Variants in BTBD17 observed in about 807,000 individuals in gnomAD.
BTBD17 encodes BTB domain containing 17.
Under a neutral mutation model 36.9 loss-of-function variants are expected in BTBD17, and 26 were observed. The ratio of observed to expected loss-of-function variants is 0.70; its 90% CI spans 0.52 to 0.98. The LOEUF (loss-of-function observed/expected upper bound fraction) is 0.98. BTBD17 is among the 50% of genes least tolerant of loss of function. BTBD17 has a pLI of 0.00. For missense variants in BTBD17, 630 were observed against 691.3 expected (o/e 0.91, Z 0.99); for synonymous variants, 341 against 338.0 (o/e 1.01, Z -0.10).
At chr17:74,359,479 C>T (rs2054921970) in intron 2 of BTBD17, among the ~76,000 whole-genome samples, 1 of 152,070 alleles carries the variant, frequency 6.6e-6, no homozygotes, top group South Asian at 2.1e-4. Flanking sequence ...ACTCTGCCTC[C>T]CAGGTTCAAG....
At chr17:74,362,263 G>A (rs1197358837), upstream of BTBD17, among the ~76,000 whole-genome samples, 4 of 152,140 alleles carry the variant, frequency 2.6e-5, no homozygotes, top group Non-Finnish European at 5.9e-5. Context: ...TGGCAGCGTC[G>A]TGCCTGGAGC....
At chr17:74,363,051 C>T (rs370630077), upstream of BTBD17, among the ~76,000 whole-genome samples, 44 of 152,070 alleles carry the variant, frequency 2.9e-4, no homozygotes, top group African/African-American at 9.2e-4. Flanking sequence ...CCCAGTTCTT[C>T]GTGGGAGGGA....
rs1437136663 is a variant in BTBD17, at chr17:74,357,312, G to T, written c.782C>A (p.Pro261Gln). The T allele has an allele frequency of 6.4e-7, 1 of 1,558,466 alleles. No individual in the cohort carries two copies. The highest frequency in any genetic ancestry group is 1.9e-5 in the Admixed American group (1 of 53,150). ...ALRAIRYPMI[P>Q]PAQLFQLQAR... Reference sequence around the variant, plus strand: ...CTGCAGCTGGAACAGCTGTGCCGGTGGGATCATGGGGTAGCGTATGGCGCG... The same window carrying T: ...CTGCAGCTGGAACAGCTGTGCCGGTTGGATCATGGGGTAGCGTATGGCGCG... The change falls in exon 3 of 3, where the codon CCA (proline) becomes CAA (glutamine). Residue 261 changes from proline (P) to glutamine (Q), a missense_variant. Transcript: ENST00000375366. The surrounding 1 kb of genome is among the most constrained non-coding windows in gnomAD (Gnocchi z 8.4).
In BTBD17 at chr17:74,361,720, C is replaced by A; in HGVS notation, c.85+15G>T. The A allele has an allele frequency of 6.2e-7, 1 of 1,609,276 alleles. No homozygotes were observed. The highest frequency in any genetic ancestry group is 8.5e-7 in the Non-Finnish European group (1 of 1,177,050). On this transcript the variant is annotated intron_variant, in intron 1 of 2. Coordinates refer to ENST00000375366, the MANE Select transcript of BTBD17 (RefSeq NM_001080466.2). The stretch of plus-strand genomic sequence containing the variant: ...CGCTCCACCCTGCCCCGCACCTGGC[C>A]CACTGCCCGCTCACCTGCATGGGTG...
chr17:74,357,539 G>T lies in BTBD17; in HGVS notation c.555C>A (p.Arg185=). Residue 185 remains arginine (R), a synonymous_variant, in exon 3 of 3, where the codon CGC becomes CGA. Transcript: ENST00000375366. The surrounding 1 kb of genome is among the most constrained non-coding windows in gnomAD (Gnocchi z 8.4). The part of the protein sequence containing the change: ...YAVGTGDEAL[R]ESCLQFLAWN... ...AGGCCAGGAACTGCAGGCAGCTCTC[G>T]CGCAGGGCCTCGTCCCCGGTGCCCA... 1 of 1,556,938 alleles carries T rather than the reference G, an allele frequency of 6.4e-7. No individual in the cohort carries two copies. The highest frequency in any genetic ancestry group is 8.6e-7 in the Non-Finnish European group (1 of 1,158,292).
chr17:74,357,063 C>T lies in BTBD17; in HGVS notation c.1031G>A (p.Gly344Asp). The stretch of plus-strand genomic sequence containing the variant: ...GCGGCCCGCGTCGTGGCCACTCGGG[C>T]CCAGCTGCGTCTGGAAGCTGGTGCT... The part of the protein sequence containing the change: ...DRSTSFQTQL[G>D]PSGHDAGRRV... Residue 344 changes from glycine (G) to aspartate (D), a missense_variant, in exon 3 of 3, where the codon GGC becomes GAC. Gly to Asp is a moderately conservative substitution (Grantham distance 94, BLOSUM62 -1). Coordinates refer to ENST00000375366, the MANE Select transcript of BTBD17 (RefSeq NM_001080466.2). The surrounding 1 kb of genome is among the most constrained non-coding windows in gnomAD (Gnocchi z 8.4). 1 of 1,533,338 alleles carries T rather than the reference C, an allele frequency of 6.5e-7. No individual in the cohort carries two copies. The highest frequency in any genetic ancestry group is 8.7e-7 in the Non-Finnish European group (1 of 1,152,704). 95.0% of individuals were successfully genotyped at this position (1,533,338 alleles called of 1,614,324 possible).
chr17:74,359,877 C>T, intron 2 of BTBD17, 92 bp downstream of exon 2: 2 of 1,358,412 alleles, frequency 1.5e-6, no homozygotes, highest in Non-Finnish European at 2.0e-6. Context: ...ACATAACAAC[C>T]TCTAAGGGCC....
At position 74,356,706 on chromosome 17, in the gene BTBD17, T is replaced by C; in HGVS notation, c.1388A>G (p.His463Arg). The change falls in exon 3 of 3, where the codon CAC (histidine) becomes CGC (arginine). Residue 463 changes from histidine to arginine, a missense_variant. Transcript: ENST00000375366. This position sits in a 1 kb window ranked among gnomAD's most constrained non-coding sequence, Gnocchi z 4.3. ...EYLVENALHLHLIVKPVYHTL... is the reference protein window; with the variant it reads ...EYLVENALHLRLIVKPVYHTL... Reference sequence around the variant, plus strand: ...GTGGTATACGGGCTTGACGATGAGGTGCAGGTGCAGGGCGTTCTCAACCAG... The same window carrying C: ...GTGGTATACGGGCTTGACGATGAGGCGCAGGTGCAGGGCGTTCTCAACCAG... 6.3e-7 allele frequency: 1 copy of C among 1,585,852 alleles called. No homozygotes were observed. The highest frequency in any genetic ancestry group is 1.1e-5 in the South Asian group (1 of 87,040).
At chr17:74,362,259 C>T (rs1470343426), upstream of BTBD17, among the ~76,000 whole-genome samples, 3 of 152,194 alleles carry the variant, frequency 2.0e-5, no homozygotes, top group Non-Finnish European at 2.9e-5. Context: ...CACTTGGCAG[C>T]GTCGTGCCTG....
At chr17:74,360,950 G>C (rs2054933925) in intron 1 of BTBD17, among the ~76,000 whole-genome samples, 1 of 152,212 alleles carries the variant, frequency 6.6e-6, no homozygotes. Flanking sequence ...TAGCAGGAGA[G>C]AGGGGCGGGT....
At chr17:74,362,042 T>C, upstream of BTBD17, 1 of 516,556 alleles carries the variant, frequency 1.9e-6, no homozygotes, top group East Asian at 3.5e-5. Flanking sequence ...GGGGCTATTG[T>C]GCTGCCTGTG....
At chr17:74,361,334 G>A (rs988413109) in intron 1 of BTBD17, among the ~76,000 whole-genome samples, 6 of 152,250 alleles carry the variant, frequency 3.9e-5, no homozygotes, top group African/African-American at 1.2e-4. Flanking sequence ...ATGCAGGCCC[G>A]TGGTGCACAC....
chr17:74,357,055 C>T lies in BTBD17; in HGVS notation c.1039G>A (p.Gly347Ser), dbSNP rs759590691. ...GTGACCCGGCGGCCCGCGTCGTGGC[C>T]ACTCGGGCCCAGCTGCGTCTGGAAG... ...TSFQTQLGPS[G>S]HDAGRRVTWN... The change falls in exon 3 of 3, where the codon GGC becomes AGC. Residue 347 changes from glycine (G) to serine (S), a missense_variant. Transcript: ENST00000375366. This position sits in a 1 kb window ranked among gnomAD's most constrained non-coding sequence, Gnocchi z 8.4. 2 of 1,531,744 alleles carry T rather than the reference C, an allele frequency of 1.3e-6. No individual in the cohort carries two copies. Among genetic ancestry groups the T allele is most frequent in the South Asian group, 2.4e-5 (2 of 82,870 alleles). The allele number at this position is 1,531,744 out of a possible 1,614,324, so 94.9% of individuals were successfully genotyped here. A position where few individuals can be genotyped will look rare whatever the true frequency, so the allele number is the denominator to read the frequency against.
chr17:74,357,285 G>T lies in BTBD17; in HGVS notation c.809C>A (p.Ala270Glu). The T allele has an allele frequency of 5.8e-6, 9 of 1,556,636 alleles. No individual in the cohort carries two copies. Among genetic ancestry groups the T allele is most frequent in the Non-Finnish European group, 6.9e-6 (8 of 1,155,904 alleles). Residue 270 changes from alanine (A) to glutamate (E), a missense_variant, in exon 3 of 3, where the codon GCG becomes GAG. Transcript: ENST00000375366. The surrounding 1 kb of genome is among the most constrained non-coding windows in gnomAD (Gnocchi z 8.4). ...IPPAQLFQLQ[A>E]RSAALARHGP... ...GTGGCGCGCCAGGGCTGCCGAGCGCGCCTGCAGCTGGAACAGCTGTGCCGG... is the reference window on the plus strand; with the variant it reads ...GTGGCGCGCCAGGGCTGCCGAGCGCTCCTGCAGCTGGAACAGCTGTGCCGG...
At position 74,361,865 on chromosome 17, in the gene BTBD17, G is replaced by C; in HGVS notation, c.-46C>G. 2 of 1,508,890 alleles carry C rather than the reference G, an allele frequency of 1.3e-6. No homozygotes were observed. The highest frequency in any genetic ancestry group is 1.8e-6 in the Non-Finnish European group (2 of 1,087,314). The allele number at this position is 1,508,890 out of a possible 1,614,324, so 93.5% of individuals were successfully genotyped here. A position where few individuals can be genotyped will look rare whatever the true frequency, so the allele number is the denominator to read the frequency against. On this transcript the variant is annotated 5_prime_UTR_variant, in exon 1 of 3. Transcript: ENST00000375366. ...TCCACTGGAGGGACGGTGAAGCCCA[G>C]ACCACTCTGCTCACATCCCTCTTCC...
rs549689018 is a variant in BTBD17 at position 74,359,139 on chromosome 17, C to T, written c.362+830G>A. On this transcript the variant is annotated intron_variant, in intron 2 of 2. Transcript: ENST00000375366. ...GCAGGAGGCAGGAGGTGGAGAGAGCCGTCTAACTTTTTCAGCTCCCTAGCC... is the reference window on the plus strand; with the variant it reads ...GCAGGAGGCAGGAGGTGGAGAGAGCTGTCTAACTTTTTCAGCTCCCTAGCC... 3.3e-5 allele frequency among the ~76,000 whole-genome samples: 5 copies of T among 152,212 alleles called. No individual in the cohort carries two copies. The East Asian group carries it at 7.7e-4, about 23-fold the overall frequency.
At position 74,356,836 on chromosome 17, in the gene BTBD17, G is replaced by C; in HGVS notation, c.1258C>G (p.Gln420Glu). Reference protein sequence around the residue: ...QKTVLVGARQQGRLLVRHAYS... With the variant: ...QKTVLVGARQEGRLLVRHAYS... ...GCGTGGCGGACCAGCAGGCGGCCCT[G>C]CTGGCGCGCCCCCACCAGCACCGTC... The change falls in exon 3 of 3, where the codon CAG becomes GAG. Residue 420 changes from glutamine (Q) to glutamate (E), a missense_variant. Physicochemically the swap from Gln to Glu is conservative, Grantham distance 29. Coordinates refer to ENST00000375366, the MANE Select transcript of BTBD17 (RefSeq NM_001080466.2). This position sits in a 1 kb window ranked among gnomAD's most constrained non-coding sequence, Gnocchi z 4.3. 6.4e-7 allele frequency: 1 copy of C among 1,567,118 alleles called. No homozygotes were observed. Among genetic ancestry groups the C allele is most frequent in the Non-Finnish European group, 8.6e-7 (1 of 1,163,162 alleles).
Position 74,356,937 on chromosome 17 carries a change from G to C in BTBD17, c.1157C>G (p.Pro386Arg). The C allele has an allele frequency of 2.1e-6, 3 of 1,396,460 alleles. No individual in the cohort carries two copies. The highest frequency in any genetic ancestry group is 1.5e-5 in the African/African-American group (1 of 65,742). The allele number at this position is 1,396,460 out of a possible 1,614,324, so 86.5% of individuals were successfully genotyped here. A position where few individuals can be genotyped will look rare whatever the true frequency, so the allele number is the denominator to read the frequency against. ...CACCAGCCGCGGTCGGCCGTCCTCC[G>C]GGCGCGCGGCGGGCAGAGCAGTGCC... ...AAGTALPAARPEDGRPRLVVT... is the reference protein window; with the variant it reads ...AAGTALPAARREDGRPRLVVT... Residue 386 changes from proline to arginine, a missense_variant, in exon 3 of 3, where the codon CCG (proline) becomes CGG (arginine). Pro to Arg is a moderately radical substitution (Grantham distance 103). Coordinates refer to ENST00000375366, the MANE Select transcript of BTBD17 (RefSeq NM_001080466.2). The surrounding 1 kb of genome is among the most constrained non-coding windows in gnomAD (Gnocchi z 4.3).
chr17:74,356,894 G>A lies in BTBD17; in HGVS notation c.1200C>T (p.Ser400=), dbSNP rs1226492262. 6.1e-6 allele frequency: 9 copies of A among 1,471,128 alleles called. No individual in the cohort carries two copies. The highest frequency in any genetic ancestry group is 8.0e-6 in the Non-Finnish European group (9 of 1,120,530). The allele number at this position is 1,471,128 out of a possible 1,614,324, so 91.1% of individuals were successfully genotyped here. The change falls in exon 3 of 3, where the codon AGC becomes AGT. Residue 400 remains serine, a synonymous_variant. Coordinates refer to ENST00000375366, the MANE Select transcript of BTBD17 (RefSeq NM_001080466.2). This position sits in a 1 kb window ranked among gnomAD's most constrained non-coding sequence, Gnocchi z 4.3. The part of the protein sequence containing the change: ...RPRLVVTPAS[S]GGDAAGVSFQ... ...AGCTCACGCCCGCCGCGTCGCCGCC[G>A]CTGCTGGCCGGCGTCACCACCAGCC...
Sources: allele counts gnomAD v4.1 joint callset (sites outside exome capture counted in the v4.1 genomes callset), GRCh38; gene constraint gnomAD v4.1.1; non-coding constraint Gnocchi (gnomAD v3.1); transcripts MANE v1.5; gene names NCBI Gene and HGNC (gene_info 2026-07-23, HGNC 2026-07-21).